Variants in UBALD1 observed in about 807,000 individuals in gnomAD.
UBALD1 encodes the protein UBA-like domain-containing protein 1.
UBALD1 carries 5 observed loss-of-function variants against 16.1 expected under a neutral mutation model. That is an observed-to-expected ratio of 0.31 (90% confidence interval 0.16 to 0.66). The LOEUF (loss-of-function observed/expected upper bound fraction) is 0.66, where lower values mean the gene tolerates loss of function less well. Ranked by LOEUF, UBALD1 falls within the 30% of genes least tolerant of loss-of-function variation. The pLI is 0.77. For synonymous variants in UBALD1, 146 were observed against 105.3 expected, an observed-to-expected ratio of 1.39 and a Z score of -2.37; for missense variants, 220 against 252.8, an observed-to-expected ratio of 0.87 and a Z score of 0.88.
chr16:4,613,130 A>G (rs841187), intron 1 of UBALD1, among the ~76,000 whole-genome samples: 146,406 of 152,138 alleles, frequency 0.96, 70,673 homozygotes, highest in East Asian at 1. Flanking sequence ...GCAGATGTGT[A>G]ACTGCCATGA....
At chr16:4,614,131 G>A (rs1897391965) in intron 1 of UBALD1, 1 of 199,568 alleles carries the variant, frequency 5.0e-6, no homozygotes, top group East Asian at 1.1e-4. Flanking sequence ...GGGGCTGCGC[G>A]TTCACACGCG....
At position 4,614,885 on chromosome 16, in the gene UBALD1, A is replaced by G; in HGVS notation, c.-88T>C. 2 of 1,302,242 alleles carry G rather than the reference A, an allele frequency of 1.5e-6. No homozygotes were observed. The highest frequency in any genetic ancestry group is 2.0e-6 in the Non-Finnish European group (2 of 1,003,122). The allele number at this position is 1,302,242 out of a possible 1,614,324, so 80.7% of individuals were successfully genotyped here. A position where few individuals can be genotyped will look rare whatever the true frequency, so the allele number is the denominator to read the frequency against. On this transcript the variant is annotated 5_prime_UTR_variant, in exon 1 of 3. Coordinates refer to ENST00000283474, the MANE Select transcript of UBALD1 (RefSeq NM_145253.3). ...ACCATTAGCGAGCCGGCTCCGGCTA[A>G]TACAAATATTTACTGTGCGGCTCTG...
At chr16:4,614,656 G>C (rs780542744) in intron 1 of UBALD1, 22 bp downstream of exon 1, 13 of 1,495,478 alleles carry the variant, frequency 8.7e-6, no homozygotes, top group Non-Finnish European at 1.2e-5. Flanking sequence ...CCCGGCCCTC[G>C]CCCGGCTCCG....
At position 4,609,211 on chromosome 16, in the gene UBALD1, A is replaced by G. The variant is rs1170600163; in HGVS notation, c.*422T>C. On this transcript the variant is annotated 3_prime_UTR_variant, in exon 3 of 3. Coordinates refer to ENST00000283474, the MANE Select transcript of UBALD1 (RefSeq NM_145253.3). ...GAAATACACAGACACGGCCACGCGCACACATGCGGAGAGGCTCTGCATTCC... is the reference window on the plus strand; with the variant it reads ...GAAATACACAGACACGGCCACGCGCGCACATGCGGAGAGGCTCTGCATTCC... The G allele has an allele frequency of 6.0e-6, 1 of 167,030 alleles. No homozygotes were observed. Among genetic ancestry groups the G allele is most frequent in the Admixed American group, 6.4e-5 (1 of 15,626 alleles). The allele number at this position is 167,030 out of a possible 1,614,324, so 10.3% of individuals were successfully genotyped here. A position where few individuals can be genotyped will look rare whatever the true frequency, so the allele number is the denominator to read the frequency against.
Position 4,614,677 on chromosome 16 carries a change from C to T in UBALD1, c.120+1G>A. ...CCTCGCCCGGCTCCGGCGCCGCGCA[C>T]CTCGAACTGCCAGTGGGCCGCCTGC... is the stretch of plus-strand genomic sequence containing the variant. On this transcript the variant is annotated splice_donor_variant, in intron 1 of 2. Transcript: ENST00000283474. LOFTEE classifies it high-confidence loss of function. The T allele has an allele frequency of 6.5e-7, 1 of 1,534,426 alleles. No homozygotes were observed. Among genetic ancestry groups the T allele is most frequent in the Non-Finnish European group, 8.7e-7 (1 of 1,142,942 alleles).
rs777899930 is a variant in UBALD1 at position 4,609,604 on chromosome 16, T to C, written c.*29A>G. On this transcript the variant is annotated 3_prime_UTR_variant, in exon 3 of 3. Coordinates refer to ENST00000283474, the MANE Select transcript of UBALD1 (RefSeq NM_145253.3). ...TCCTCTCCCCCGCCCCACGGGGTCC[T>C]GGCCTCCGGGAGGGGGGAGGGGCCT... The C allele has an allele frequency of 5.5e-5, 59 of 1,071,938 alleles. No homozygotes were observed. Among genetic ancestry groups the C allele is most frequent in the Non-Finnish European group, 4.8e-5 (38 of 793,718 alleles). The allele number at this position is 1,071,938 out of a possible 1,614,324, so 66.4% of individuals were successfully genotyped here. A position where few individuals can be genotyped will look rare whatever the true frequency, so the allele number is the denominator to read the frequency against.
At chr16:4,612,952 C>T (rs1189450065) in intron 1 of UBALD1, among the ~76,000 whole-genome samples, 1 of 152,250 alleles carries the variant, frequency 6.6e-6, no homozygotes, top group African/African-American at 2.4e-5. Flanking sequence ...TTTCCCCAGA[C>T]ATTGCACTCC....
chr16:4,612,635 C>T (rs947078107), intron 1 of UBALD1, among the ~76,000 whole-genome samples: 1 of 152,154 alleles, frequency 6.6e-6, no homozygotes, highest in Non-Finnish European at 1.5e-5. Flanking sequence ...CACTAGACAC[C>T]GGCCCCTCCC....
intron 1 of UBALD1, 170 bp downstream of exon 1, chr16:4,614,508 G>A (rs1897399258): frequency 8.6e-7 from 1 of 1,156,734 alleles, no homozygotes; most frequent in South Asian, 1.9e-5. Flanking sequence ...CCCGCCGCGA[G>A]CCCTTGGGAT....
intron 2 of UBALD1, 91 bp downstream of exon 2, chr16:4,610,402 C>G: frequency 7.0e-7 from 1 of 1,427,242 alleles, no homozygotes; most frequent in Non-Finnish European, 9.5e-7. Context: ...CACCAGCGCC[C>G]TCGTACACCG....
At chr16:4,610,812 C>A in intron 1 of UBALD1, 1 of 512,572 alleles carries the variant, frequency 2.0e-6, no homozygotes. Context: ...TGCCTCAGTG[C>A]CTAAGGCCTG....
Position 4,609,596 on chromosome 16 carries a change from C to A in UBALD1, c.*37G>T. On this transcript the variant is annotated 3_prime_UTR_variant, in exon 3 of 3. Transcript: ENST00000283474. ...CAGAGACGTCCTCTCCCCCGCCCCA[C>A]GGGGTCCTGGCCTCCGGGAGGGGGG... 2 of 971,464 alleles carry A rather than the reference C, an allele frequency of 2.1e-6. No individual in the cohort carries two copies. Among genetic ancestry groups the A allele is most frequent in the Non-Finnish European group, 2.8e-6 (2 of 707,322 alleles). The allele number at this position is 971,464 out of a possible 1,614,324, so 60.2% of individuals were successfully genotyped here.
rs1050736208 is a variant in UBALD1, at chr16:4,609,527, C to A, written c.*106G>T. The A allele has an allele frequency of 4.0e-6, 2 of 496,000 alleles. No individual in the cohort carries two copies. Among genetic ancestry groups the A allele is most frequent in the East Asian group, 6.9e-5 (2 of 29,172 alleles). The allele number at this position is 496,000 out of a possible 1,614,324, so 30.7% of individuals were successfully genotyped here. ...GTCCGCGCTCTCCCCTCCAGGGCTC[C>A]GGGGAACAAGGGGTGCAGACAGAAA... On this transcript the variant is annotated 3_prime_UTR_variant, in exon 3 of 3. Coordinates refer to ENST00000283474, the MANE Select transcript of UBALD1 (RefSeq NM_145253.3).
At chr16:4,610,083 G>C (rs1897339616) in intron 2 of UBALD1, 100 bp from the exon 3 acceptor site, 4 of 970,874 alleles carry the variant, frequency 4.1e-6, no homozygotes, top group Non-Finnish European at 6.4e-6. Context: ...TTCTCGGAAG[G>C]CTCTGTGTTC....
rs753015354 is a variant in UBALD1 at position 4,614,611 on chromosome 16, C to T, written c.120+67G>A. 8.5e-6 allele frequency: 11 copies of T among 1,291,810 alleles called. No individual in the cohort carries two copies. In the South Asian group the frequency reaches 2.6e-4, roughly 31 times the overall value. The allele number at this position is 1,291,810 out of a possible 1,614,324, so 80.0% of individuals were successfully genotyped here. On this transcript the variant is annotated intron_variant, in intron 1 of 2. Coordinates refer to ENST00000283474, the MANE Select transcript of UBALD1 (RefSeq NM_145253.3). ...CACGCGTCCACGCCGTCCGCCCCCG[C>T]CCGGCGGCCACGCGGGACACACTCC...
In UBALD1 at chr16:4,614,888, C is replaced by T; in HGVS notation, c.-91G>A. On this transcript the variant is annotated 5_prime_UTR_variant, in exon 1 of 3. Coordinates refer to ENST00000283474, the MANE Select transcript of UBALD1 (RefSeq NM_145253.3). Reference sequence around the variant, plus strand: ...ATTAGCGAGCCGGCTCCGGCTAATACAAATATTTACTGTGCGGCTCTGACT... The same window carrying T: ...ATTAGCGAGCCGGCTCCGGCTAATATAAATATTTACTGTGCGGCTCTGACT... The T allele has an allele frequency of 7.8e-7, 1 of 1,279,224 alleles. No individual in the cohort carries two copies. The highest frequency in any genetic ancestry group is 1.0e-6 in the Non-Finnish European group (1 of 986,228). The allele number at this position is 1,279,224 out of a possible 1,614,324, so 79.2% of individuals were successfully genotyped here.
rs1897323199 is a variant in UBALD1, at chr16:4,609,041, G to A, written c.*592C>T. ...TTTCCCACAATCCTTTTCTCTGCAAGGAACAGCAACGCTGGCTGACGAGGG... is the reference window on the plus strand; with the variant it reads ...TTTCCCACAATCCTTTTCTCTGCAAAGAACAGCAACGCTGGCTGACGAGGG... On this transcript the variant is annotated 3_prime_UTR_variant, in exon 3 of 3. Transcript: ENST00000283474. 2 of 143,090 alleles carry A rather than the reference G, an allele frequency of 1.4e-5. No homozygotes were observed. Among genetic ancestry groups the A allele is most frequent in the African/African-American group, 5.1e-5 (2 of 38,874 alleles). The allele number at this position is 143,090 out of a possible 1,614,324, so 8.9% of individuals were successfully genotyped here.
intron 1 of UBALD1, among the ~76,000 whole-genome samples, chr16:4,612,414 C>T (rs534758506): frequency 6.6e-6 from 1 of 152,062 alleles, no homozygotes; most frequent in Non-Finnish European, 1.5e-5. Context: ...GCAGGAGACA[C>T]CCTATCTGGG....
chr16:4,610,354 C>A, intron 2 of UBALD1, 139 bp downstream of exon 2: 1 of 889,798 alleles, frequency 1.1e-6, no homozygotes, highest in East Asian at 2.6e-5. Context: ...AGCCGGGACT[C>A]CTGCTGACCC....
Sources: allele counts gnomAD v4.1 joint callset (sites outside exome capture counted in the v4.1 genomes callset), GRCh38; gene constraint gnomAD v4.1.1; transcripts MANE v1.5; gene names NCBI Gene and HGNC (gene_info 2026-07-23, HGNC 2026-07-21).